Variants in FCF1 observed in about 807,000 individuals in gnomAD.
FCF1 encodes the protein FCF1 rRNA-processing protein.
Under a neutral mutation model 32.5 loss-of-function variants are expected in FCF1, and 17 were observed. The observed-to-expected ratio is 0.52, with a 90% CI of 0.36 to 0.78. The LOEUF (loss-of-function observed/expected upper bound fraction) is 0.78. Ranked by LOEUF, FCF1 falls within the 30% of genes least tolerant of loss-of-function variation. The probability of loss-of-function intolerance (pLI) is 0.00; values close to 1 mark genes in which losing one functional copy is unlikely to be tolerated. For synonymous variants in FCF1, 84 were observed against 78.4 expected (o/e 1.07, Z -0.38); for missense variants, 201 against 241.1 (o/e 0.83, Z 1.10).
rs114572906 is a variant in FCF1 at position 74,715,962 on chromosome 14, C to T, written c.155C>T (p.Pro52Leu). 1.9e-6 allele frequency: 3 copies of T among 1,613,780 alleles called. No homozygotes were observed. The highest frequency in any genetic ancestry group is 4.5e-5 in the East Asian group (2 of 44,868). ...ALKEREVPQHPSCLFFQYNTQ... is the reference protein window; with the variant it reads ...ALKEREVPQHLSCLFFQYNTQ... The stretch of plus-strand genomic sequence containing the variant: ...TCTTTTTCCTTCAGTCCCCAACACC[C>T]TTCCTGCTTATTTTTCCAATATAAT... The change falls in exon 4 of 8, where the codon CCT becomes CTT. Residue 52 changes from proline to leucine, a missense_variant. Transcript: ENST00000341162.
chr14:74,715,074 G>A (rs1376021839), intron 3 of FCF1, 131 bp downstream of exon 3: 9 of 890,690 alleles, frequency 1.0e-5, no homozygotes, highest in African/African-American at 8.7e-5. Flanking sequence ...AAGTCATATC[G>A]ATGAGCATAT....
At chr14:74,718,476 A>AAT (rs369083022) in intron 4 of FCF1, among the ~76,000 whole-genome samples, 4,451 of 151,190 alleles carry the variant, frequency 0.029, 139 homozygotes, top group African/African-American at 0.079. Context: ...TCAGTATTAA[A>AAT]ATATATATAT....
chr14:74,723,257 T>G lies in FCF1; in HGVS notation c.293-15T>G, dbSNP rs2090529962. 4 of 1,605,098 alleles carry G rather than the reference T, an allele frequency of 2.5e-6. No individual in the cohort carries two copies. Among genetic ancestry groups the G allele is most frequent in the Non-Finnish European group, 3.4e-6 (4 of 1,172,142 alleles). Reference sequence around the variant, plus strand: ...TACAAGTTCTGTTCTTAATGTGAATTTTTTTCCCTGGCAGGTATCCCATGT... The same window carrying G: ...TACAAGTTCTGTTCTTAATGTGAATGTTTTTCCCTGGCAGGTATCCCATGT... On this transcript the variant is annotated splice_polypyrimidine_tract_variant and intron_variant, in intron 4 of 7. Transcript: ENST00000341162.
intron 5 of FCF1, among the ~76,000 whole-genome samples, chr14:74,727,573 T>C (rs1178846320): frequency 6.6e-6 from 1 of 151,228 alleles, no homozygotes; most frequent in Non-Finnish European, 1.5e-5. Flanking sequence ...TTCACTCTGA[T>C]GGTAGTTTCT....
intron 4 of FCF1, among the ~76,000 whole-genome samples, chr14:74,717,997 C>T (rs2090444383): frequency 6.6e-6 from 1 of 152,100 alleles, no homozygotes. Context: ...GCCTCAGCCA[C>T]CCCAGTAGCT....
intron 4 of FCF1, among the ~76,000 whole-genome samples, chr14:74,720,148 G>C (rs2090480985): frequency 6.6e-6 from 1 of 152,114 alleles, no homozygotes; most frequent in African/African-American, 2.4e-5. Context: ...AAAGAAAATG[G>C]ATCCTGTATT....
chr14:74,726,351 G>A (rs1360865043), intron 5 of FCF1, among the ~76,000 whole-genome samples: 2 of 152,116 alleles, frequency 1.3e-5, no homozygotes, highest in African/African-American at 4.8e-5. Context: ...GCCAGGCATG[G>A]TGGCATGTAC....
intron 4 of FCF1, among the ~76,000 whole-genome samples, chr14:74,720,262 T>G (rs2090482852): frequency 6.6e-6 from 1 of 152,236 alleles, no homozygotes; most frequent in African/African-American, 2.4e-5. Context: ...TCTAGTGGAT[T>G]CACAGAGTTG....
chr14:74,729,793 G>A (rs1392596620), intron 5 of FCF1, among the ~76,000 whole-genome samples: 1 of 151,942 alleles, frequency 6.6e-6, no homozygotes, highest in Non-Finnish European at 1.5e-5. Context: ...AGAGATTCTG[G>A]TATGTTGTGT....
chr14:74,733,986 C>A, intron 6 of FCF1, 90 bp from the exon 7 acceptor site: 1 of 836,966 alleles, frequency 1.2e-6, no homozygotes, highest in Admixed American at 1.9e-5. Context: ...ATGAACGATT[C>A]TCAGACTGGT....
chr14:74,714,382 A>G (rs1428390838), intron 2 of FCF1, among the ~76,000 whole-genome samples: 1 of 152,236 alleles, frequency 6.6e-6, no homozygotes, highest in Non-Finnish European at 1.5e-5. Flanking sequence ...TGTATTGTGT[A>G]ATTTTTAGGA....
rs151174476 is a variant in FCF1, at chr14:74,717,054, C to T, written c.292+955C>T. ...TTAATTAAGAATGGCTGCAGCCGGG[C>T]GCAGTGGCTCATACCTGTAATCCCA... On this transcript the variant is annotated intron_variant, in intron 4 of 7. Coordinates refer to ENST00000341162, the MANE Select transcript of FCF1 (RefSeq NM_015962.5). Among the ~76,000 whole-genome samples, 19 of 152,018 alleles carry T rather than the reference C, an allele frequency of 1.2e-4. No homozygotes were observed. The East Asian group carries it at 3.5e-3, about 28-fold the overall frequency.
intron 5 of FCF1, among the ~76,000 whole-genome samples, chr14:74,723,887 A>G (rs1023049853): frequency 2.0e-5 from 3 of 152,112 alleles, no homozygotes; most frequent in African/African-American, 4.8e-5. Context: ...ATATTTGTGT[A>G]TAGCAAAAGA....
intron 5 of FCF1, among the ~76,000 whole-genome samples, chr14:74,730,574 G>C (rs1346017160): frequency 6.6e-6 from 1 of 151,982 alleles, no homozygotes; most frequent in Non-Finnish European, 1.5e-5. Context: ...ATTAGCTGGG[G>C]GTGGTGGCAG....
chr14:74,715,619 A>G (rs2140018310), intron 3 of FCF1: 2 of 381,824 alleles, frequency 5.2e-6, no homozygotes, highest in South Asian at 2.2e-5. Flanking sequence ...GTGTTGTTGT[A>G]TCATTCTAAT....
chr14:74,728,220 T>G (rs1311934373), intron 5 of FCF1, among the ~76,000 whole-genome samples: 1 of 152,240 alleles, frequency 6.6e-6, no homozygotes, highest in Non-Finnish European at 1.5e-5. Flanking sequence ...ACGATATTGA[T>G]TCTTCCTATC....
At chr14:74,716,786 G>C (rs1006760832) in intron 4 of FCF1, among the ~76,000 whole-genome samples, 6 of 152,104 alleles carry the variant, frequency 3.9e-5, no homozygotes, top group Non-Finnish European at 7.4e-5. Context: ...TCAGTCACCC[G>C]GTTAGAGGTA....
chr14:74,731,230 A>T (rs532039651), intron 5 of FCF1, among the ~76,000 whole-genome samples: 4 of 152,308 alleles, frequency 2.6e-5, no homozygotes, highest in Admixed American at 1.3e-4. Context: ...AGATGCAGAA[A>T]TGGGGTGTTA....
At chr14:74,716,430 C>A (rs2090421360) in intron 4 of FCF1, among the ~76,000 whole-genome samples, 1 of 152,118 alleles carries the variant, frequency 6.6e-6, no homozygotes, top group Non-Finnish European at 1.5e-5. Context: ...TATCTATATT[C>A]TTTTATGTTA....
Sources: gnomAD v4.1 joint callset for allele counts (sites outside exome capture counted in the v4.1 genomes callset) on GRCh38, gnomAD v4.1.1 for gene constraint, MANE v1.5 for transcripts, NCBI Gene and HGNC (gene_info 2026-07-23, HGNC 2026-07-21) for gene names.